RTN4RL1: variants seen among roughly 807,000 people sequenced by gnomAD.
RTN4RL1 encodes reticulon-4 receptor-like 1.
In RTN4RL1, 7 loss-of-function variants were observed where a neutral mutation model predicts 25.6. The observed-to-expected ratio is 0.27, with a 90% confidence interval of 0.16 to 0.51. The LOEUF (loss-of-function observed/expected upper bound fraction) is 0.51, where lower values mean the gene tolerates loss of function less well. Ranked by LOEUF, RTN4RL1 falls within the 20% of genes least tolerant of loss-of-function variation. RTN4RL1 has a pLI of 0.97. For missense variants in RTN4RL1, 500 were observed against 615.6 expected (o/e 0.81, Z 1.99); for synonymous variants, 297 against 288.2 (o/e 1.03, Z -0.31).
intron 1 of RTN4RL1, among the ~76,000 whole-genome samples, chr17:2,006,774 T>C (rs1236007825): frequency 2.0e-5 from 3 of 152,190 alleles, no homozygotes; most frequent in Non-Finnish European, 4.4e-5. Context: ...GCACATGCCA[T>C]GATGCCTGGC....
intron 1 of RTN4RL1, among the ~76,000 whole-genome samples, chr17:1,986,461 A>C (rs2066887652): frequency 6.6e-6 from 1 of 152,138 alleles, no homozygotes; most frequent in Non-Finnish European, 1.5e-5. Flanking sequence ...ATTAAGTTAA[A>C]GATCTTGAGA....
rs868292329 is a variant in RTN4RL1 at position 2,013,728 on chromosome 17, A to T, written c.13+11125T>A. 5.4e-5 allele frequency among the ~76,000 whole-genome samples: 6 copies of T among 111,118 alleles called. 1 individual carries two copies. The highest frequency in any genetic ancestry group is 2.2e-4 in the African/African-American group (6 of 27,862). 72.9% of individuals were successfully genotyped at this position (111,118 alleles called of 152,430 possible). ...TACGCCAGCTCCCTCACCCTGGAAC[A>T]TAAATACCCCAGCTCCCTCACCCTG... On this transcript the variant is annotated intron_variant, in intron 1 of 1. Coordinates refer to ENST00000331238, the MANE Select transcript of RTN4RL1 (RefSeq NM_178568.4).
intron 1 of RTN4RL1, among the ~76,000 whole-genome samples, chr17:1,944,646 G>A (rs936471890): frequency 9.2e-5 from 14 of 151,774 alleles, no homozygotes; most frequent in East Asian, 1.9e-4. Flanking sequence ...TAGTAGAGAC[G>A]GTGTTTCGTC....
intron 1 of RTN4RL1, among the ~76,000 whole-genome samples, chr17:1,944,238 C>G (rs1225054862): frequency 2.6e-5 from 4 of 151,914 alleles, no homozygotes; most frequent in African/African-American, 9.7e-5. Context: ...TGTGTCCCCA[C>G]GCTTGTGTGA....
At chr17:1,965,956 C>T (rs1281035701) in intron 1 of RTN4RL1, among the ~76,000 whole-genome samples, 2 of 152,166 alleles carry the variant, frequency 1.3e-5, no homozygotes, top group African/African-American at 4.8e-5. Flanking sequence ...CTCTCAGGCT[C>T]CCCACTAAAG....
rs2066939370 is a variant in RTN4RL1 at position 1,998,313 on chromosome 17, C to T, written c.13+26540G>A. 1.3e-5 allele frequency among the ~76,000 whole-genome samples: 2 copies of T among 152,192 alleles called. No homozygotes were observed. Among genetic ancestry groups the T allele is most frequent in the African/African-American group, 4.8e-5 (2 of 41,460 alleles). On this transcript the variant is annotated intron_variant, in intron 1 of 1. Transcript: ENST00000331238. This position sits in a 1 kb window ranked among gnomAD's most constrained non-coding sequence, Gnocchi z 4.9. Reference sequence around the variant, plus strand: ...CGCAGGCCGACCCGAGCCGAGCGCGCCCTTTGGGCACCGGCCCCGCCCGGG... The same window carrying T: ...CGCAGGCCGACCCGAGCCGAGCGCGTCCTTTGGGCACCGGCCCCGCCCGGG...
rs2066942092 is a variant in RTN4RL1 at position 1,998,809 on chromosome 17, C to A, written c.13+26044G>T. On this transcript the variant is annotated intron_variant, in intron 1 of 1. Coordinates refer to ENST00000331238, the MANE Select transcript of RTN4RL1 (RefSeq NM_178568.4). The surrounding 1 kb of genome is among the most constrained non-coding windows in gnomAD (Gnocchi z 4.9). ...GGGTGGGGGTGGGGCTCTGCGAGGGCCCTAAAAACGCTGGGGACGCGGGTT... is the reference window on the plus strand; with the variant it reads ...GGGTGGGGGTGGGGCTCTGCGAGGGACCTAAAAACGCTGGGGACGCGGGTT... Among the ~76,000 whole-genome samples, 2 of 152,082 alleles carry A rather than the reference C, an allele frequency of 1.3e-5. No individual in the cohort carries two copies. The highest frequency in any genetic ancestry group is 1.3e-4 in the Admixed American group (2 of 15,272).
chr17:2,006,517 A>G (rs2066997071), intron 1 of RTN4RL1, among the ~76,000 whole-genome samples: 1 of 151,922 alleles, frequency 6.6e-6, no homozygotes, highest in African/African-American at 2.4e-5. Context: ...CAGTGGTGCA[A>G]TCATGGTTCA....
intron 1 of RTN4RL1, among the ~76,000 whole-genome samples, chr17:1,991,472 A>AACAAAC (rs1567518490): frequency 2.7e-5 from 4 of 149,582 alleles, no homozygotes; most frequent in African/African-American, 9.9e-5. Flanking sequence ...AACAAAAAAA[A>AACAAAC]ACTTCAAAGA....
At chr17:2,005,761 CT>C (rs2066989437) in intron 1 of RTN4RL1, among the ~76,000 whole-genome samples, 1 of 151,116 alleles carries the variant, frequency 6.6e-6, no homozygotes, top group Admixed American at 6.6e-5. Context: ...CTCTCTCTCT[CT>C]CTCCTTCTCT....
intron 1 of RTN4RL1, among the ~76,000 whole-genome samples, chr17:1,983,841 C>G (rs1379542483): frequency 2.0e-5 from 3 of 152,132 alleles, no homozygotes; most frequent in African/African-American, 7.2e-5. Flanking sequence ...GGCGCCGGGT[C>G]CTGAACCTAA....
chr17:1,950,178 G>C (rs1915643728), intron 1 of RTN4RL1, among the ~76,000 whole-genome samples: 1 of 152,216 alleles, frequency 6.6e-6, no homozygotes, highest in Admixed American at 6.5e-5. Context: ...CAAGGAGGGA[G>C]GCCTGTGGCC....
chr17:2,001,927 T>TGGGGGAGGGGGG (rs71150844), intron 1 of RTN4RL1, among the ~76,000 whole-genome samples: 1 of 146,192 alleles, frequency 6.8e-6, no homozygotes, highest in African/African-American at 2.5e-5. Flanking sequence ...ACTTCAGCCC[T>TGGGGGAGGGGGG]GGGGGAGGGG....
intron 1 of RTN4RL1, among the ~76,000 whole-genome samples, chr17:1,964,594 T>C (rs2066780477): frequency 6.6e-6 from 1 of 151,532 alleles, no homozygotes. Flanking sequence ...TAGCCGGGCG[T>C]GGTGGCGGGC....
At chr17:1,982,334 CGG>C (rs2066870701) in intron 1 of RTN4RL1, among the ~76,000 whole-genome samples, 1 of 150,440 alleles carries the variant, frequency 6.6e-6, no homozygotes, top group African/African-American at 2.5e-5. Context: ...AAGAGGAAGC[CGG>C]GCGAGGTGCC....
intron 1 of RTN4RL1, among the ~76,000 whole-genome samples, chr17:2,017,248 G>T (rs1487195209): frequency 6.6e-6 from 1 of 152,212 alleles, no homozygotes; most frequent in Non-Finnish European, 1.5e-5. Context: ...GCTGAAAGTT[G>T]GGAGCCCAGC....
At chr17:1,977,530 C>G (rs2066847723) in intron 1 of RTN4RL1, among the ~76,000 whole-genome samples, 1 of 152,200 alleles carries the variant, frequency 6.6e-6, no homozygotes, top group Admixed American at 6.5e-5. Context: ...GCCCCCCACC[C>G]CGCCCGCCGG....
At position 1,948,362 on chromosome 17, in the gene RTN4RL1, C is replaced by A. The variant is rs186466505; in HGVS notation, c.14-10554G>T. On this transcript the variant is annotated intron_variant, in intron 1 of 1. Coordinates refer to ENST00000331238, the MANE Select transcript of RTN4RL1 (RefSeq NM_178568.4). ...CAAATTTGCTCCCAGGTTTGGGGGCCCCAGAACCTGAGTTGTGGCAGCGCA... is the reference window on the plus strand; with the variant it reads ...CAAATTTGCTCCCAGGTTTGGGGGCACCAGAACCTGAGTTGTGGCAGCGCA... 3.1e-3 allele frequency among the ~76,000 whole-genome samples: 472 copies of A among 152,310 alleles called. 14 individuals carry two copies. The highest frequency in any genetic ancestry group is 0.023 in the Admixed American group (347 of 15,298).
At chr17:1,991,017 C>A (rs11870655) in intron 1 of RTN4RL1, among the ~76,000 whole-genome samples, 7 of 152,128 alleles carry the variant, frequency 4.6e-5, no homozygotes, top group African/African-American at 1.7e-4. Flanking sequence ...CAGAGAGCAC[C>A]AACCCATGTG....
Sources: gnomAD v4.1 joint callset for allele counts (sites outside exome capture counted in the v4.1 genomes callset) on GRCh38, gnomAD v4.1.1 for gene constraint, Gnocchi (gnomAD v3.1) non-coding constraint, MANE v1.5 for transcripts, NCBI Gene and HGNC (gene_info 2026-07-23, HGNC 2026-07-21) for gene names.